RARB: variants seen among roughly 807,000 people sequenced by gnomAD.
RARB encodes HBV-activated protein.
RARB carries 17 observed loss-of-function variants against 51.9 expected under a neutral mutation model. The observed-to-expected ratio is 0.33, with a 90% CI of 0.22 to 0.49. The LOEUF (loss-of-function observed/expected upper bound fraction) is 0.49, where lower values mean the gene tolerates loss of function less well. Ranked by LOEUF, RARB falls within the 20% of genes least tolerant of loss-of-function variation. The pLI is 0.99. For missense variants in RARB, 369 were observed against 550.8 expected (o/e 0.67, Z 3.30); for synonymous variants, 215 against 195.4 (o/e 1.10, Z -0.84).
In RARB at chr3:25,484,758, T is replaced by G. The variant is rs151163169; in HGVS notation, c.307-16424T>G. Reference sequence around the variant, plus strand: ...GGCCCACAGCTTAAAGAGTTTCTATTTGGCCCTTTATAGAAATCTGCCAAC... The same window carrying G: ...GGCCCACAGCTTAAAGAGTTTCTATGTGGCCCTTTATAGAAATCTGCCAAC... On this transcript the variant is annotated intron_variant, in intron 2 of 7. Transcript: ENST00000330688. 2.1e-3 allele frequency among the ~76,000 whole-genome samples: 321 copies of G among 152,292 alleles called. 1 individual carries two copies. Among genetic ancestry groups the G allele is most frequent in the African/African-American group, 7.3e-3 (305 of 41,550 alleles).
intron 4 of RARB, among the ~76,000 whole-genome samples, chr3:25,147,979 G>A (rs143151387): frequency 4.6e-5 from 7 of 152,278 alleles, no homozygotes; most frequent in African/African-American, 1.4e-4. Context: ...GAGGGTCTGG[G>A]GTCTTTGATG....
chr3:25,304,954 G>C (rs1704121972), intron 5 of RARB, among the ~76,000 whole-genome samples: 1 of 152,136 alleles, frequency 6.6e-6, no homozygotes, highest in Admixed American at 6.6e-5. Flanking sequence ...AAGAGACATT[G>C]TTCTAAGCCT....
At chr3:24,902,101 G>A (rs1264556048) in intron 2 of RARB, among the ~76,000 whole-genome samples, 1 of 152,014 alleles carries the variant, frequency 6.6e-6, no homozygotes, top group Non-Finnish European at 1.5e-5. Flanking sequence ...CATAATCATT[G>A]TACTAGATTG....
chr3:25,444,693 A>G (rs1325144521), intron 1 of RARB, among the ~76,000 whole-genome samples: 2 of 152,228 alleles, frequency 1.3e-5, no homozygotes, highest in East Asian at 1.9e-4. Context: ...GATTCAATGT[A>G]TCTCCTGTAG....
intron 2 of RARB, among the ~76,000 whole-genome samples, chr3:25,474,438 A>G (rs149019867): frequency 1.0e-3 from 153 of 152,334 alleles, no homozygotes; most frequent in Non-Finnish European, 1.7e-3. Flanking sequence ...ATAAATTCAG[A>G]ATAATAGCAT....
At chr3:25,048,608 A>G (rs1379585650) in intron 2 of RARB, among the ~76,000 whole-genome samples, 2 of 152,166 alleles carry the variant, frequency 1.3e-5, no homozygotes, top group Non-Finnish European at 2.9e-5. Context: ...GTGATGGCAG[A>G]AAATTAGTGG....
At chr3:25,080,601 G>A (rs895807312) in intron 3 of RARB, among the ~76,000 whole-genome samples, 3 of 152,038 alleles carry the variant, frequency 2.0e-5, no homozygotes, top group African/African-American at 7.2e-5. Context: ...TTTGAATTTA[G>A]CCATCCTACT....
intron 5 of RARB, among the ~76,000 whole-genome samples, chr3:25,325,898 G>A (rs965923939): frequency 2.0e-5 from 3 of 152,082 alleles, no homozygotes; most frequent in African/African-American, 7.2e-5. Context: ...GTTTTCTTAT[G>A]GACTCAGTTT....
At chr3:25,209,381 T>C (rs961971238) in intron 5 of RARB, among the ~76,000 whole-genome samples, 1 of 152,254 alleles carries the variant, frequency 6.6e-6, no homozygotes, top group Non-Finnish European at 1.5e-5. Flanking sequence ...CTACAGAGTT[T>C]ATTCTTCTCT....
chr3:25,334,056 A>G (rs1349704630), intron 5 of RARB, among the ~76,000 whole-genome samples: 1 of 152,236 alleles, frequency 6.6e-6, no homozygotes, highest in Non-Finnish European at 1.5e-5. Flanking sequence ...GTGGAGAAAC[A>G]GGAACACTTT....
chr3:25,332,205 T>C (rs943984677), intron 5 of RARB, among the ~76,000 whole-genome samples: 1 of 152,116 alleles, frequency 6.6e-6, no homozygotes, highest in Non-Finnish European at 1.5e-5. Flanking sequence ...TACCAAAGCA[T>C]GGCAGAGACA....
intron 3 of RARB, among the ~76,000 whole-genome samples, chr3:25,545,796 C>T (rs932960896): frequency 2.6e-5 from 4 of 152,140 alleles, no homozygotes; most frequent in African/African-American, 9.7e-5. Context: ...ATGTACCAGG[C>T]ACTCTTCCGG....
intron 2 of RARB, among the ~76,000 whole-genome samples, chr3:24,956,390 G>A (rs1159454726): frequency 6.6e-6 from 1 of 152,168 alleles, no homozygotes; most frequent in Non-Finnish European, 1.5e-5. Flanking sequence ...AACTAATGCT[G>A]TTTTGGATTT....
At chr3:25,147,523 T>A (rs1700213726) in intron 4 of RARB, among the ~76,000 whole-genome samples, 2 of 152,186 alleles carry the variant, frequency 1.3e-5, no homozygotes. Flanking sequence ...TATATCTCAT[T>A]TTCAAAATAA....
chr3:25,012,710 CCTTAT>C (rs1697424812), intron 2 of RARB, among the ~76,000 whole-genome samples: 3 of 152,080 alleles, frequency 2.0e-5, no homozygotes, highest in African/African-American at 4.8e-5. Flanking sequence ...AAATGAGACA[CCTTAT>C]CTTATTTCAG....
chr3:25,299,436 G>A (rs1255211179), intron 5 of RARB, among the ~76,000 whole-genome samples: 1 of 152,022 alleles, frequency 6.6e-6, no homozygotes, highest in East Asian at 1.9e-4. Flanking sequence ...TTGCACTCAA[G>A]CAATCCTCCC....
At chr3:25,520,928 C>T (rs1204288253) in intron 3 of RARB, among the ~76,000 whole-genome samples, 1 of 152,230 alleles carries the variant, frequency 6.6e-6, no homozygotes, top group African/African-American at 2.4e-5. Context: ...GTAACTGCCT[C>T]TGTTTTGTCA....
intron 2 of RARB, among the ~76,000 whole-genome samples, chr3:25,476,874 C>T (rs1422343608): frequency 6.6e-6 from 1 of 152,186 alleles, no homozygotes; most frequent in Non-Finnish European, 1.5e-5. Context: ...GTTTTTCTCT[C>T]CCACTAGTGT....
intron 2 of RARB, among the ~76,000 whole-genome samples, chr3:24,925,256 C>G (rs1350246919): frequency 6.6e-6 from 1 of 152,034 alleles, no homozygotes; most frequent in African/African-American, 2.4e-5. Flanking sequence ...TACTAGTTAT[C>G]ACATACAAAT....
Sources: gnomAD v4.1 joint callset for allele counts (sites outside exome capture counted in the v4.1 genomes callset) on GRCh38, gnomAD v4.1.1 for gene constraint, MANE v1.5 for transcripts, NCBI Gene and HGNC (gene_info 2026-07-23, HGNC 2026-07-21) for gene names.